ROCK1: variants seen among roughly 807,000 people sequenced by gnomAD.
ROCK1 encodes rho-associated protein kinase 1.
A neutral mutation model predicts 196.8 loss-of-function variants in ROCK1; 36 were observed. That is an observed-to-expected ratio of 0.18 (90% CI 0.14 to 0.24). ROCK1 has a LOEUF of 0.24. Ranked by LOEUF, ROCK1 falls within the 10% of genes least tolerant of loss-of-function variation. The probability of loss-of-function intolerance (pLI) is 1.00; values close to 1 mark genes in which losing one functional copy is unlikely to be tolerated. For synonymous variants in ROCK1, 443 were observed against 515.9 expected, an observed-to-expected ratio of 0.86 and a Z score of 1.91; for missense variants, 920 against 1,562.0, an observed-to-expected ratio of 0.59 and a Z score of 6.93.
chr18:20,979,956 T>C lies in ROCK1; in HGVS notation c.2608A>G (p.Lys870Glu). Residue 870 changes from lysine to glutamate, a missense_variant, in exon 22 of 33, where the codon AAA becomes GAA. By Grantham distance (56) the Lys-to-Glu change is moderately conservative. Coordinates refer to ENST00000399799, the MANE Select transcript of ROCK1 (RefSeq NM_005406.3). The part of the protein sequence containing the change: ...VKELKEEIEE[K>E]NRENLKKIQE... ...ATTTTCTTTAAATTTTCTCTGTTTT[T>C]TTCTTCAATTTCTTCTTTAAGTTCC... 4.5e-6 allele frequency: 7 copies of C among 1,548,790 alleles called. No individual in the cohort carries two copies. The highest frequency in any genetic ancestry group is 6.1e-6 in the Non-Finnish European group (7 of 1,145,594).
At chr18:21,063,075 T>C (rs1365289542) in intron 2 of ROCK1, among the ~76,000 whole-genome samples, 1 of 152,122 alleles carries the variant, frequency 6.6e-6, no homozygotes, top group Non-Finnish European at 1.5e-5. Context: ...GCAAGGGTCA[T>C]TCAATGGTAG....
intron 1 of ROCK1, among the ~76,000 whole-genome samples, chr18:21,075,951 CA>C (rs1286047222): frequency 0.13 from 8,653 of 64,942 alleles, 278 homozygotes; most frequent in Middle Eastern, 0.27. Context: ...GACTCTGTCT[CA>C]AAAAAAAAAA....
At position 20,997,344 on chromosome 18, in the gene ROCK1, T is replaced by C. The variant is rs1446907855; in HGVS notation, c.1886-4407A>G. ...AAAACAAAAAAAGAGCAGTAGCAGT[T>C]ATACTTGTATCAGACAAAATAGATT... On this transcript the variant is annotated intron_variant, in intron 16 of 32. Coordinates refer to ENST00000399799, the MANE Select transcript of ROCK1 (RefSeq NM_005406.3). Among the ~76,000 whole-genome samples the C allele has an allele frequency of 3.3e-5, 5 of 152,330 alleles. No individual in the cohort carries two copies. In the East Asian group the frequency reaches 7.7e-4, roughly 23 times the overall value.
chr18:21,043,961 A>C (rs2036133357), intron 6 of ROCK1, 141 bp downstream of exon 6: 5 of 577,982 alleles, frequency 8.7e-6, no homozygotes, highest in Non-Finnish European at 1.5e-5. Flanking sequence ...TAGTTCAACA[A>C]ATAAGGTCAT....
intron 18 of ROCK1, 43 bp from the exon 19 acceptor site, chr18:20,987,153 T>C: frequency 1.3e-6 from 2 of 1,576,244 alleles, no homozygotes; most frequent in Non-Finnish European, 1.7e-6. Flanking sequence ...AAAGAAAGAG[T>C]ACTTTAACAC....
chr18:21,020,627 A>G (rs2035905908), intron 11 of ROCK1, among the ~76,000 whole-genome samples: 1 of 152,358 alleles, frequency 6.6e-6, no homozygotes, highest in Non-Finnish European at 1.5e-5. Context: ...GGTCACTTCT[A>G]ACTCTGCCAA....
intron 22 of ROCK1, among the ~76,000 whole-genome samples, 196 bp downstream of exon 22, chr18:20,979,714 G>C (rs7237677): frequency 0.53 from 79,972 of 152,012 alleles, 22,263 homozygotes; most frequent in African/African-American, 0.72. Flanking sequence ...TCTGCAATTG[G>C]TACAGTGTTG....
In ROCK1 at chr18:20,979,929, G is replaced by C. The variant is rs962391539; in HGVS notation, c.2635C>G (p.Gln879Glu). The C allele has an allele frequency of 1.9e-6, 3 of 1,541,440 alleles. No homozygotes were observed. The African/African-American group carries it at 4.1e-5, about 21-fold the overall frequency. Reference sequence around the variant, plus strand: ...ACATACTTTTCATTTTGTAGTTCCTGTATTTTCTTTAAATTTTCTCTGTTT... The same window carrying C: ...ACATACTTTTCATTTTGTAGTTCCTCTATTTTCTTTAAATTTTCTCTGTTT... ...EKNRENLKKI[Q>E]ELQNEKETLA... The change falls in exon 22 of 33, where the codon CAG becomes GAG. Residue 879 changes from glutamine to glutamate, a missense_variant. Physicochemically the swap from Gln to Glu is conservative, Grantham distance 29 (BLOSUM62 2). Around this residue, in one of 6 missense-constraint regions of ROCK1, gnomAD observed 520 missense variants for 657.1 expected, o/e 0.79. Coordinates refer to ENST00000399799, the MANE Select transcript of ROCK1 (RefSeq NM_005406.3).
At chr18:21,075,991 G>A (rs2036427290) in intron 1 of ROCK1, among the ~76,000 whole-genome samples, 1 of 149,632 alleles carries the variant, frequency 6.7e-6, no homozygotes, top group Non-Finnish European at 1.5e-5. Flanking sequence ...GAGGTACACA[G>A]AGCAAAAATG....
chr18:21,005,502 T>C (rs1211363824), intron 16 of ROCK1, among the ~76,000 whole-genome samples: 1 of 152,220 alleles, frequency 6.6e-6, no homozygotes, highest in Non-Finnish European at 1.5e-5. Flanking sequence ...CTGAAAAATA[T>C]CCACATTACA....
At chr18:21,017,340 C>A (rs909743768) in intron 12 of ROCK1, among the ~76,000 whole-genome samples, 12 of 151,610 alleles carry the variant, frequency 7.9e-5, no homozygotes, top group Non-Finnish European at 1.5e-4. Flanking sequence ...TACAGGCGCC[C>A]GCCACCGCGC....
intron 2 of ROCK1, among the ~76,000 whole-genome samples, chr18:21,057,874 T>C (rs1479153745): frequency 6.6e-6 from 1 of 152,110 alleles, no homozygotes. Flanking sequence ...TTATACCCAG[T>C]AAATTTTACT....
chr18:20,989,920 G>T (rs2035608656), intron 18 of ROCK1, among the ~76,000 whole-genome samples: 1 of 151,954 alleles, frequency 6.6e-6, no homozygotes, highest in African/African-American at 2.4e-5. Flanking sequence ...TAAAAATCTG[G>T]GAGAAGAAAC....
At chr18:20,959,057 T>TTTTATATAATATATAATATATATAATATA (rs1555743135) in intron 29 of ROCK1, among the ~76,000 whole-genome samples, 1 of 46,920 alleles carries the variant, frequency 2.1e-5, no homozygotes, top group East Asian at 6.0e-4. Flanking sequence ...AATATATATA[T>TTTTATATAATATATAATATATATAATATA]TATATTTTAT....
chr18:21,094,056 G>A (rs1245449770), intron 1 of ROCK1, among the ~76,000 whole-genome samples: 2 of 152,176 alleles, frequency 1.3e-5, no homozygotes, highest in East Asian at 3.9e-4. Flanking sequence ...AAGACTCAAA[G>A]ATCTGAAGTC....
intron 29 of ROCK1, among the ~76,000 whole-genome samples, chr18:20,955,867 T>C (rs572693592): frequency 6.6e-6 from 1 of 150,970 alleles, no homozygotes; most frequent in Admixed American, 6.6e-5. Context: ...ATTCCATTCA[T>C]ATAACACTCT....
chr18:20,970,023 T>G (rs1372300782), intron 23 of ROCK1: 1 of 173,382 alleles, frequency 5.8e-6, no homozygotes, highest in East Asian at 1.5e-4. Context: ...TCAGTTGCAA[T>G]GTATTAAGAG....
intron 13 of ROCK1, among the ~76,000 whole-genome samples, chr18:21,014,304 A>G (rs369252663): frequency 6.6e-6 from 1 of 152,222 alleles, no homozygotes; most frequent in East Asian, 1.9e-4. Flanking sequence ...AGACTCATTC[A>G]TGTGTTGTTT....
chr18:20,967,500 A>G (rs558156806), intron 26 of ROCK1, among the ~76,000 whole-genome samples: 1 of 152,286 alleles, frequency 6.6e-6, no homozygotes, highest in African/African-American at 2.4e-5. Context: ...TCAAAAAATT[A>G]AGCTTGTTAT....
Sources: gnomAD v4.1 joint callset for allele counts (sites outside exome capture counted in the v4.1 genomes callset) on GRCh38, gnomAD v4.1.1 for gene constraint, gnomAD v4.1.1 regional missense constraint, MANE v1.5 for transcripts, NCBI Gene and HGNC (gene_info 2026-07-23, HGNC 2026-07-21) for gene names.